COL25A1: variants seen among roughly 807,000 people sequenced by gnomAD.
COL25A1 encodes collagen alpha-1(XXV) chain.
COL25A1 carries 103 observed loss-of-function variants against 128.4 expected under a neutral mutation model. The ratio of observed to expected loss-of-function variants is 0.80; its 90% CI spans 0.68 to 0.94. The LOEUF is 0.94. Among genes scored for constraint, COL25A1 ranks in the 40% least tolerant of loss-of-function variants. The pLI is 0.00. For missense variants in COL25A1, 745 were observed against 840.0 expected (o/e 0.89, Z 1.40); for synonymous variants, 279 against 277.2 (o/e 1.01, Z -0.06).
At position 108,812,040 on chromosome 4, in the gene COL25A1, TCTAATGGGCTGAAAGGGTGC is replaced by T. The variant is rs1392998083; in HGVS notation, c.*1867_*1886del. The T allele has an allele frequency of 2.0e-5, 3 of 152,202 alleles. No individual in the cohort carries two copies. Among genetic ancestry groups the T allele is most frequent in the African/African-American group, 4.8e-5 (2 of 41,462 alleles). 9.4% of individuals were successfully genotyped at this position (152,202 alleles called of 1,614,324 possible). A position where few individuals can be genotyped will look rare whatever the true frequency, so the allele number is the denominator to read the frequency against. On this transcript the variant is annotated 3_prime_UTR_variant, in exon 38 of 38. Coordinates refer to ENST00000399132, the MANE Select transcript of COL25A1 (RefSeq NM_198721.4). Reference sequence around the variant, plus strand: ...TTGAGTCAGGAGAGAAATTAAATTCTCTAATGGGCTGAAAGGGTGCCTACTCCTCATTGATAATGTTTCTT... The same window carrying T: ...TTGAGTCAGGAGAGAAATTAAATTCTCTACTCCTCATTGATAATGTTTCTT...
At chr4:108,907,188 A>G (rs1380047097) in intron 13 of COL25A1, among the ~76,000 whole-genome samples, 2 of 152,178 alleles carry the variant, frequency 1.3e-5, no homozygotes, top group Non-Finnish European at 2.9e-5. Flanking sequence ...GCGAGTTAGA[A>G]GAGGAGTCTG....
intron 3 of COL25A1, among the ~76,000 whole-genome samples, chr4:109,125,736 T>C (rs1768534044): frequency 6.6e-6 from 1 of 152,120 alleles, no homozygotes; most frequent in Non-Finnish European, 1.5e-5. Flanking sequence ...AACTGGATAC[T>C]GGCACAACTC....
Position 108,974,544 on chromosome 4 carries a change from T to C in COL25A1, c.454A>G (p.Lys152Glu), listed in dbSNP as rs747197848. Residue 152 changes from lysine (K) to glutamate (E), a missense_variant, in exon 7 of 38, where the codon AAA (lysine) becomes GAA (glutamate). By Grantham distance (56) the Lys-to-Glu change is moderately conservative (BLOSUM62 1). Transcript: ENST00000399132. Reference protein sequence around the residue: ...QPGPQGPPGPKGDKGEQGDQG... With the variant: ...QPGPQGPPGPEGDKGEQGDQG... ...ATGCATTTTCTTACCTTATCGCCTTTTGGACCAGGAGGGCCCTGAAAAAAA... is the reference window on the plus strand; with the variant it reads ...ATGCATTTTCTTACCTTATCGCCTTCTGGACCAGGAGGGCCCTGAAAAAAA... 1 of 1,606,976 alleles carries C rather than the reference T, an allele frequency of 6.2e-7. No homozygotes were observed. The highest frequency in any genetic ancestry group is 8.5e-7 in the Non-Finnish European group (1 of 1,177,688).
intron 8 of COL25A1, among the ~76,000 whole-genome samples, chr4:108,960,768 G>A (rs1284476287): frequency 2.0e-5 from 3 of 151,944 alleles, no homozygotes; most frequent in African/African-American, 7.3e-5. Context: ...TAAGATCGAA[G>A]TCAAGGTAAA....
chr4:108,975,732 T>C (rs1427857209), intron 6 of COL25A1, among the ~76,000 whole-genome samples: 1 of 152,182 alleles, frequency 6.6e-6, no homozygotes, highest in African/African-American at 2.4e-5. Flanking sequence ...TCACATCATG[T>C]TTTAGTATGT....
Position 109,203,335 on chromosome 4 carries a change from A to G in COL25A1, c.367+97248T>C, listed in dbSNP as rs557696304. On this transcript the variant is annotated intron_variant, in intron 3 of 37. Coordinates refer to ENST00000399132, the MANE Select transcript of COL25A1 (RefSeq NM_198721.4). ...CTTTACTAACTAGACTAAAAATCAG[A>G]TATGTCAACCAAACAAAGACATTTT... Among the ~76,000 whole-genome samples, 31 of 152,320 alleles carry G rather than the reference A, an allele frequency of 2.0e-4. 1 individual carries two copies. The East Asian group carries it at 6.0e-3, about 29-fold the overall frequency.
At chr4:109,085,571 T>C (rs2126000515) in intron 3 of COL25A1, among the ~76,000 whole-genome samples, 2 of 152,308 alleles carry the variant, frequency 1.3e-5, no homozygotes, top group Non-Finnish European at 2.9e-5. Context: ...GTAAGCTTCC[T>C]TAAGGACATA....
intron 9 of COL25A1, 75 bp from the exon 10 acceptor site, chr4:108,940,721 A>G: frequency 1.1e-6 from 1 of 913,952 alleles, no homozygotes. Flanking sequence ...AGCACCTTAA[A>G]TTTGTATTAT....
chr4:108,974,878 T>C (rs971602548), intron 6 of COL25A1, among the ~76,000 whole-genome samples: 10 of 152,324 alleles, frequency 6.6e-5, no homozygotes, highest in African/African-American at 2.4e-4. Context: ...GAAGCTCCTG[T>C]TGGGACATTT....
At chr4:109,265,776 T>C (rs1244213933) in intron 3 of COL25A1, among the ~76,000 whole-genome samples, 1 of 152,144 alleles carries the variant, frequency 6.6e-6, no homozygotes, top group Non-Finnish European at 1.5e-5. Flanking sequence ...TAAATGGTAA[T>C]TTAAAACAGG....
At chr4:108,838,981 G>A (rs903642363) in intron 31 of COL25A1, among the ~76,000 whole-genome samples, 2 of 149,978 alleles carry the variant, frequency 1.3e-5, no homozygotes, top group Admixed American at 1.3e-4. Context: ...ACTTTTAAGC[G>A]TAGACATTAA....
Position 108,844,532 on chromosome 4 carries a change from G to T in COL25A1, c.1616C>A (p.Pro539Gln), listed in dbSNP as rs774140956. The change falls in exon 30 of 38, where the codon CCA (proline) becomes CAA (glutamine). Residue 539 changes from proline (P) to glutamine (Q), a missense_variant. Pro to Gln is a moderately conservative substitution (Grantham distance 76). This residue lies in a region of COL25A1 where 387 missense variants were observed against 441.9 expected (regional missense o/e 0.88). Coordinates refer to ENST00000399132, the MANE Select transcript of COL25A1 (RefSeq NM_198721.4). ...GPPGPPGPHG[P>Q]PGPMGPHGLP... The stretch of plus-strand genomic sequence containing the variant: ...AGGGAAACTTACCATGGGGCCAGGT[G>T]GGCCATGGGGACCTGGTGGGCCTGG... 2 of 1,613,756 alleles carry T rather than the reference G, an allele frequency of 1.2e-6. No individual in the cohort carries two copies. Among genetic ancestry groups the T allele is most frequent in the African/African-American group, 2.7e-5 (2 of 74,912 alleles).
intron 13 of COL25A1, among the ~76,000 whole-genome samples, chr4:108,908,301 C>G (rs766159743): frequency 9.2e-5 from 14 of 152,122 alleles, no homozygotes; most frequent in Non-Finnish European, 8.8e-5. Context: ...TGAGCTGAGT[C>G]TGTCTTCATC....
chr4:109,031,407 C>T (rs117763654), intron 5 of COL25A1, among the ~76,000 whole-genome samples: 3 of 152,152 alleles, frequency 2.0e-5, no homozygotes, highest in Admixed American at 6.5e-5. Flanking sequence ...TGAGCCACCG[C>T]GCCAGGCCAT....
intron 24 of COL25A1, 31 bp from the exon 25 acceptor site, chr4:108,852,956 G>A (rs776323509): frequency 6.3e-7 from 1 of 1,598,228 alleles, no homozygotes; most frequent in Non-Finnish European, 8.6e-7. Flanking sequence ...CAAAGACAGA[G>A]TTATCTATTT....
At chr4:109,288,614 T>C (rs1176622747) in intron 3 of COL25A1, among the ~76,000 whole-genome samples, 2 of 152,066 alleles carry the variant, frequency 1.3e-5, no homozygotes, top group African/African-American at 4.8e-5. Context: ...AAACACAAAG[T>C]GAGGTCAGCA....
At chr4:109,297,629 G>C (rs1725098412) in intron 3 of COL25A1, among the ~76,000 whole-genome samples, 2 of 151,944 alleles carry the variant, frequency 1.3e-5, no homozygotes, top group South Asian at 4.2e-4. Context: ...CAGTGTTCTA[G>C]TCCAAACCTG....
intron 3 of COL25A1, among the ~76,000 whole-genome samples, chr4:109,187,105 A>G (rs747550097): frequency 1.4e-4 from 21 of 152,298 alleles, no homozygotes; most frequent in South Asian, 4.1e-4. Context: ...TACTTGAAAG[A>G]AGGGAGAATC....
At chr4:109,191,122 T>C (rs1217358459) in intron 3 of COL25A1, among the ~76,000 whole-genome samples, 1 of 152,226 alleles carries the variant, frequency 6.6e-6, no homozygotes. Context: ...CCTAGAATAG[T>C]ACACAGAAAG....
Sources: gnomAD v4.1 joint callset for allele counts (sites outside exome capture counted in the v4.1 genomes callset) on GRCh38, gnomAD v4.1.1 for gene constraint, gnomAD v4.1.1 regional missense constraint, MANE v1.5 for transcripts, NCBI Gene and HGNC (gene_info 2026-07-23, HGNC 2026-07-21) for gene names.